The following MNAT1 variants were observed in gnomAD, a reference collection of about 807,000 sequenced individuals.
MNAT1 encodes the protein MNAT1 component of CDK activating kinase.
Under a neutral mutation model 42.0 loss-of-function variants are expected in MNAT1, and 43 were observed. The observed-to-expected ratio is 1.02, with a 90% CI of 0.80 to 1.32. The LOEUF (loss-of-function observed/expected upper bound fraction) is 1.32. MNAT1 is among the 40% of genes most tolerant of loss of function. MNAT1 has a pLI of 0.00. For missense variants in MNAT1, 306 were observed against 350.4 expected (o/e 0.87, Z 1.01); for synonymous variants, 118 against 120.0 (o/e 0.98, Z 0.11).
intron 7 of MNAT1, among the ~76,000 whole-genome samples, chr14:60,923,279 A>ACC (rs2035698895): frequency 6.6e-6 from 1 of 152,126 alleles, no homozygotes; most frequent in South Asian, 2.1e-4. Context: ...CTAGAGTGAG[A>ACC]CCCCAGAATT....
chr14:60,738,559 A>G (rs897536395), intron 1 of MNAT1, among the ~76,000 whole-genome samples: 4 of 150,506 alleles, frequency 2.7e-5, no homozygotes, highest in African/African-American at 9.8e-5. Flanking sequence ...CCGGCCTGAG[A>G]TGGAGTTTTG....
chr14:60,910,157 T>C (rs2035314692), intron 7 of MNAT1, among the ~76,000 whole-genome samples: 1 of 152,216 alleles, frequency 6.6e-6, no homozygotes, highest in Non-Finnish European at 1.5e-5. Context: ...ATGCTTGTGA[T>C]TTTTGTACAC....
chr14:60,754,314 T>A (rs1032220945), intron 1 of MNAT1, among the ~76,000 whole-genome samples: 10 of 152,120 alleles, frequency 6.6e-5, no homozygotes, highest in African/African-American at 1.4e-4. Flanking sequence ...ATTTTATTTT[T>A]TTTTTAATAA....
chr14:60,794,660 A>AAAAAAAT (rs1555375163), intron 1 of MNAT1, among the ~76,000 whole-genome samples: 2 of 28,632 alleles, frequency 7.0e-5, no homozygotes, highest in East Asian at 9.8e-4. Context: ...AAAAAAAAAA[A>AAAAAAAT]ATATATATAT....
At chr14:60,739,632 A>G (rs1043507801) in intron 1 of MNAT1, among the ~76,000 whole-genome samples, 3 of 152,246 alleles carry the variant, frequency 2.0e-5, no homozygotes, top group South Asian at 2.1e-4. Context: ...AATTTAATCT[A>G]GCAAATGCAC....
intron 7 of MNAT1, among the ~76,000 whole-genome samples, chr14:60,892,316 G>T (rs560939388): frequency 6.6e-6 from 1 of 152,038 alleles, no homozygotes; most frequent in Non-Finnish European, 1.5e-5. Context: ...CTGTTATTAG[G>T]TAAGTAAATA....
intron 3 of MNAT1, among the ~76,000 whole-genome samples, chr14:60,800,650 A>G (rs566744346): frequency 3.3e-5 from 5 of 152,230 alleles, no homozygotes; most frequent in Non-Finnish European, 5.9e-5. Context: ...TCATTAAGTT[A>G]GAGAATGACT....
At chr14:60,896,905 T>C (rs1392075426) in intron 7 of MNAT1, among the ~76,000 whole-genome samples, 1 of 152,224 alleles carries the variant, frequency 6.6e-6, no homozygotes, top group African/African-American at 2.4e-5. Context: ...GATAACTTTA[T>C]TGTTATTATT....
At chr14:60,788,834 T>C (rs905278913) in intron 1 of MNAT1, among the ~76,000 whole-genome samples, 3 of 152,206 alleles carry the variant, frequency 2.0e-5, no homozygotes, top group Non-Finnish European at 4.4e-5. Context: ...TAGGTTTTGG[T>C]TTAAGGGAAT....
At chr14:60,813,716 A>C (rs917244679) in intron 5 of MNAT1, among the ~76,000 whole-genome samples, 1 of 152,222 alleles carries the variant, frequency 6.6e-6, no homozygotes, top group African/African-American at 2.4e-5. Flanking sequence ...TGGGATACTC[A>C]GTCTCTATCC....
chr14:60,916,010 G>T (rs1280526663), intron 7 of MNAT1, among the ~76,000 whole-genome samples: 1 of 152,184 alleles, frequency 6.6e-6, no homozygotes, highest in Non-Finnish European at 1.5e-5. Flanking sequence ...GTCAACAGCA[G>T]GAGGGTATTT....
At chr14:60,827,539 C>T (rs1003925915) in intron 6 of MNAT1, among the ~76,000 whole-genome samples, 2 of 152,134 alleles carry the variant, frequency 1.3e-5, no homozygotes, top group African/African-American at 2.4e-5. Flanking sequence ...TCAGTTATGT[C>T]CTGTAAAGCC....
intron 7 of MNAT1, among the ~76,000 whole-genome samples, chr14:60,943,484 C>T (rs2036216190): frequency 6.6e-6 from 1 of 152,110 alleles, no homozygotes; most frequent in Non-Finnish European, 1.5e-5. Context: ...TTATAAACAG[C>T]AGAATTAGGG....
At chr14:60,772,801 G>C (rs1594742566) in intron 1 of MNAT1, among the ~76,000 whole-genome samples, 1 of 151,828 alleles carries the variant, frequency 6.6e-6, no homozygotes, top group African/African-American at 2.4e-5. Context: ...AAGAGTTCCA[G>C]AGTGCTAGGT....
intron 3 of MNAT1, among the ~76,000 whole-genome samples, chr14:60,805,129 A>C (rs1390450936): frequency 1.3e-5 from 2 of 152,198 alleles, no homozygotes; most frequent in Non-Finnish European, 2.9e-5. Flanking sequence ...TATAAAAGTA[A>C]TTATAAATGT....
At chr14:60,790,215 A>C (rs2031774507) in intron 1 of MNAT1, among the ~76,000 whole-genome samples, 1 of 152,150 alleles carries the variant, frequency 6.6e-6, no homozygotes, top group Non-Finnish European at 1.5e-5. Context: ...GAGTATGAAG[A>C]GGACTGTAAA....
intron 5 of MNAT1, among the ~76,000 whole-genome samples, chr14:60,818,314 T>G (rs1170397669): frequency 6.6e-6 from 1 of 152,032 alleles, no homozygotes; most frequent in Non-Finnish European, 1.5e-5. Context: ...TTCCAAACGG[T>G]CTCAGGTGAA....
intron 7 of MNAT1, among the ~76,000 whole-genome samples, chr14:60,912,317 T>A (rs963101605): frequency 2.5e-4 from 38 of 152,084 alleles, no homozygotes; most frequent in African/African-American, 9.2e-4. Context: ...TTTAGCCCAT[T>A]TACATTTAAG....
At chr14:60,840,005 A>G (rs1275944600) in intron 6 of MNAT1, among the ~76,000 whole-genome samples, 2 of 152,230 alleles carry the variant, frequency 1.3e-5, no homozygotes, top group African/African-American at 4.8e-5. Context: ...ACTTGCACAA[A>G]AGGTGCCACC....
Sources: allele counts gnomAD v4.1 joint callset (sites outside exome capture counted in the v4.1 genomes callset), GRCh38; gene constraint gnomAD v4.1.1; transcripts MANE v1.5; gene names NCBI Gene and HGNC (gene_info 2026-07-23, HGNC 2026-07-21).